Variants in RPSA2 observed in about 807,000 individuals in gnomAD.
RPSA2 encodes small ribosomal subunit protein uS2B.
At chr19:23,791,736 T>A in the RPSA2 span, among the ~76,000 whole-genome samples, 1 of 140,948 alleles carries the variant, frequency 7.1e-6, no homozygotes, top group East Asian at 2.0e-4. Flanking sequence ...TAATCTTTTC[T>A]TTTTTTTTTT....
chr19:23,870,217 G>C, the RPSA2 span, among the ~76,000 whole-genome samples: 2 of 152,154 alleles, frequency 1.3e-5, no homozygotes, highest in East Asian at 3.9e-4. Flanking sequence ...GTCCTCTGTA[G>C]CTTTGCATAG....
chr19:23,817,415 GTATT>G, the RPSA2 span, among the ~76,000 whole-genome samples: 3 of 152,100 alleles, frequency 2.0e-5, no homozygotes, highest in African/African-American at 7.2e-5. Flanking sequence ...ATTATTTTGT[GTATT>G]TATTAACATA....
At chr19:23,772,772 G>A in the RPSA2 span, among the ~76,000 whole-genome samples, 49,279 of 152,046 alleles carry the variant, frequency 0.32, 8,326 homozygotes, top group Non-Finnish European at 0.38. Context: ...AATTGTGACT[G>A]TCATATATGA....
At chr19:23,800,352 A>G in the RPSA2 span, among the ~76,000 whole-genome samples, 4 of 151,680 alleles carry the variant, frequency 2.6e-5, no homozygotes, top group Non-Finnish European at 4.4e-5. Flanking sequence ...TTTCTTTTCT[A>G]TTATTGTGGT....
the RPSA2 span, among the ~76,000 whole-genome samples, chr19:23,780,305 C>T: frequency 4.6e-5 from 7 of 152,104 alleles, no homozygotes; most frequent in African/African-American, 4.8e-5. Flanking sequence ...AAAAGCCCAC[C>T]GATGAGGCCA....
chr19:23,862,197 G>A, the RPSA2 span, among the ~76,000 whole-genome samples: 1 of 152,042 alleles, frequency 6.6e-6, no homozygotes, highest in Non-Finnish European at 1.5e-5. Flanking sequence ...TTGGTGTATA[G>A]GAATGCTTGT....
chr19:23,758,690 C>T, the RPSA2 span: 5 of 1,613,902 alleles, frequency 3.1e-6, no homozygotes, highest in Non-Finnish European at 4.2e-6. Flanking sequence ...GCGGCGAGGT[C>T]TGAGTCCCGC....
At chr19:23,849,438 G>A in the RPSA2 span, among the ~76,000 whole-genome samples, 2 of 152,136 alleles carry the variant, frequency 1.3e-5, no homozygotes, top group African/African-American at 4.8e-5. Flanking sequence ...ATTTATCATG[G>A]GGTTCAGAAT....
chr19:23,832,904 G>A, the RPSA2 span: 5 of 1,553,742 alleles, frequency 3.2e-6, no homozygotes, highest in Admixed American at 1.7e-5. Context: ...GAGGAACGTG[G>A]CAAATCTTTT....
chr19:23,865,093 C>G, the RPSA2 span, among the ~76,000 whole-genome samples: 1 of 152,074 alleles, frequency 6.6e-6, no homozygotes, highest in African/African-American at 2.4e-5. Context: ...AGGAAGTGAA[C>G]GAGGAAGATC....
the RPSA2 span, among the ~76,000 whole-genome samples, chr19:23,812,962 C>T: frequency 6.6e-6 from 1 of 152,088 alleles, no homozygotes; most frequent in Non-Finnish European, 1.5e-5. Flanking sequence ...ATAGTGGTGG[C>T]TCACATCTGT....
the RPSA2 span, among the ~76,000 whole-genome samples, chr19:23,769,779 A>G: frequency 6.6e-6 from 1 of 152,196 alleles, no homozygotes; most frequent in African/African-American, 2.4e-5. Context: ...TCAAGAACCT[A>G]GATGAGGTGA....
the RPSA2 span, among the ~76,000 whole-genome samples, chr19:23,759,529 T>TTTTTTTG: frequency 2.3e-5 from 3 of 133,166 alleles, no homozygotes; most frequent in African/African-American, 8.4e-5. Context: ...CAGGTTTTTT[T>TTTTTTTG]TTTTTTTTTT....
the RPSA2 span, chr19:23,832,446 G>A: frequency 6.1e-6 from 3 of 489,766 alleles, no homozygotes; most frequent in Admixed American, 4.8e-5. Flanking sequence ...CTAGACATAA[G>A]AGGATACACA....
the RPSA2 span, among the ~76,000 whole-genome samples, chr19:23,772,035 T>G: frequency 5.9e-5 from 9 of 152,144 alleles, no homozygotes; most frequent in Non-Finnish European, 1.0e-4. Context: ...TTGAGTACTG[T>G]AAAATATTAC....
the RPSA2 span, among the ~76,000 whole-genome samples, chr19:23,774,079 T>C: frequency 6.6e-6 from 1 of 152,236 alleles, no homozygotes; most frequent in South Asian, 2.1e-4. Flanking sequence ...TATTTTTCTG[T>C]GTTGGTGCTG....
chr19:23,861,317 G>A, the RPSA2 span, among the ~76,000 whole-genome samples: 148,783 of 152,264 alleles, frequency 0.98, 72,796 homozygotes, highest in Middle Eastern at 1. Flanking sequence ...GGTTTCATAT[G>A]AGTCCTTGAA....
chr19:23,859,246 A>C, the RPSA2 span, among the ~76,000 whole-genome samples: 1 of 152,236 alleles, frequency 6.6e-6, no homozygotes, highest in Non-Finnish European at 1.5e-5. Flanking sequence ...ACATGACATC[A>C]AATTATACTT....
At chr19:23,798,544 T>G in the RPSA2 span, among the ~76,000 whole-genome samples, 1 of 152,178 alleles carries the variant, frequency 6.6e-6, no homozygotes, top group Non-Finnish European at 1.5e-5. Flanking sequence ...ATTCTTTTAT[T>G]ATTGTGATTC....
Sources: gnomAD v4.1 joint callset for allele counts (sites outside exome capture counted in the v4.1 genomes callset) on GRCh38, gnomAD v4.1.1 for gene constraint, MANE v1.5 for transcripts, NCBI Gene and HGNC (gene_info 2026-07-23, HGNC 2026-07-21) for gene names.